Variants in SIL1 observed in about 807,000 individuals in gnomAD.
The protein encoded by SIL1 is SIL1 nucleotide exchange factor, also known as nucleotide exchange factor SIL1.
A neutral mutation model predicts 49.1 loss-of-function variants in SIL1; 40 were observed. The observed-to-expected ratio is 0.81, with a 90% CI of 0.63 to 1.06. The LOEUF (loss-of-function observed/expected upper bound fraction) is 1.06, where lower values mean the gene tolerates loss of function less well. Ranked by LOEUF, SIL1 falls within the 50% of genes least tolerant of loss-of-function variation. The pLI is 0.00. For synonymous variants in SIL1, 253 were observed against 250.8 expected (o/e 1.01, Z -0.08); for missense variants, 500 against 572.6 (o/e 0.87, Z 1.29).
At chr5:139,112,056 G>A (rs544703125) in intron 3 of SIL1, among the ~76,000 whole-genome samples, 2 of 152,322 alleles carry the variant, frequency 1.3e-5, no homozygotes, top group East Asian at 1.9e-4. Context: ...TGTGTTGGCC[G>A]GGCTGGTCTC....
At chr5:139,116,477 G>A (rs55920788) in intron 3 of SIL1, among the ~76,000 whole-genome samples, 2 of 152,186 alleles carry the variant, frequency 1.3e-5, no homozygotes, top group Non-Finnish European at 2.9e-5. Context: ...GGCTGGCTAC[G>A]CTTCCCTGAG....
At chr5:139,031,398 G>T (rs1041506411) in intron 5 of SIL1, among the ~76,000 whole-genome samples, 12 of 151,980 alleles carry the variant, frequency 7.9e-5, no homozygotes, top group African/African-American at 2.9e-4. Flanking sequence ...AACTACTTTT[G>T]CACCTGTCAA....
At chr5:139,113,333 A>AAAAATTAATTAAAAAAAAT (rs1770915875) in intron 3 of SIL1, among the ~76,000 whole-genome samples, 1 of 152,066 alleles carries the variant, frequency 6.6e-6, no homozygotes, top group Non-Finnish European at 1.5e-5. Flanking sequence ...ATAAATTTAA[A>AAAAATTAATTAAAAAAAAT]AAAAAAAGTT....
chr5:139,008,215 T>C, intron 7 of SIL1, among the ~76,000 whole-genome samples: 1 of 151,794 alleles, frequency 6.6e-6, no homozygotes, highest in Non-Finnish European at 1.5e-5. Context: ...GAGGAATTTA[T>C]CCATTTCTTC....
At chr5:139,060,251 T>C (rs1039420432) in intron 3 of SIL1, among the ~76,000 whole-genome samples, 3 of 152,160 alleles carry the variant, frequency 2.0e-5, no homozygotes, top group Admixed American at 6.5e-5. Flanking sequence ...AAAAGAACAG[T>C]GTTCTGTTCT....
intron 5 of SIL1, chr5:139,032,964 C>T (rs1768824440): frequency 6.6e-6 from 1 of 151,940 alleles, no homozygotes; most frequent in South Asian, 2.1e-4. Context: ...ATGTGTTTGT[C>T]AGTCTTGTGG....
At chr5:139,094,911 T>TACTGC (rs1158991451) in intron 3 of SIL1, among the ~76,000 whole-genome samples, 3 of 152,224 alleles carry the variant, frequency 2.0e-5, no homozygotes, top group African/African-American at 7.2e-5. Flanking sequence ...GTTTGCAGAG[T>TACTGC]ACTGGTCAGG....
At chr5:139,055,868 T>C (rs1467650681) in intron 3 of SIL1, among the ~76,000 whole-genome samples, 1 of 151,832 alleles carries the variant, frequency 6.6e-6, no homozygotes, top group Non-Finnish European at 1.5e-5. Flanking sequence ...AGACGGGGTT[T>C]CACTGTGTTG....
At chr5:139,119,237 C>T (rs1442030468) in intron 3 of SIL1, among the ~76,000 whole-genome samples, 3 of 152,234 alleles carry the variant, frequency 2.0e-5, no homozygotes, top group African/African-American at 7.2e-5. Flanking sequence ...GGCTGTCCCT[C>T]CCCAAGGATA....
At chr5:139,040,585 A>ACCT (rs1561839083) in intron 5 of SIL1, among the ~76,000 whole-genome samples, 1 of 133,240 alleles carries the variant, frequency 7.5e-6, no homozygotes, top group Non-Finnish European at 1.5e-5. Flanking sequence ...TGCAACCTCC[A>ACCT]CCTCCCGGTT....
At chr5:139,198,241 A>G (rs1281686669) in intron 1 of SIL1, 28 bp downstream of exon 1, 1 of 151,924 alleles carries the variant, frequency 6.6e-6, no homozygotes, top group East Asian at 1.9e-4. Flanking sequence ...GCCCAGCTCC[A>G]GGGCCGGGCG....
chr5:139,109,283 C>T (rs1231247282), intron 3 of SIL1, among the ~76,000 whole-genome samples: 1 of 152,132 alleles, frequency 6.6e-6, no homozygotes, highest in Non-Finnish European at 1.5e-5. Context: ...CAATTTAACC[C>T]AGTGGGAATC....
intron 3 of SIL1, among the ~76,000 whole-genome samples, chr5:139,051,782 C>A (rs1408317271): frequency 6.6e-6 from 1 of 152,206 alleles, no homozygotes; most frequent in Non-Finnish European, 1.5e-5. Flanking sequence ...CTGGGAAAAA[C>A]AAGTGTTGTG....
intron 7 of SIL1, among the ~76,000 whole-genome samples, chr5:138,960,374 T>C (rs2150384287): frequency 6.6e-6 from 1 of 152,086 alleles, no homozygotes; most frequent in South Asian, 2.1e-4. Flanking sequence ...AAATAAACAT[T>C]GATTAAGTCT....
intron 1 of SIL1, among the ~76,000 whole-genome samples, chr5:139,174,937 CAAAAAAAAAA>C (rs56959325): frequency 8.4e-5 from 5 of 59,850 alleles, no homozygotes; most frequent in African/African-American, 3.2e-4. Flanking sequence ...GACTGTGTCT[CAAAAAAAAAA>C]AAAAAAAAAA....
intron 7 of SIL1, among the ~76,000 whole-genome samples, chr5:138,956,094 T>C (rs186119300): frequency 6.6e-6 from 1 of 152,362 alleles, no homozygotes; most frequent in East Asian, 1.9e-4. Context: ...CGCGTCCTCG[T>C]GACATTTCTA....
intron 9 of SIL1, among the ~76,000 whole-genome samples, chr5:138,949,247 T>G (rs1007780752): frequency 1.3e-5 from 2 of 152,160 alleles, no homozygotes; most frequent in African/African-American, 4.8e-5. Flanking sequence ...ATCTCACCAC[T>G]GCAGAAGCCC....
chr5:139,125,112 C>A lies in SIL1; in HGVS notation c.105+2627G>T, dbSNP rs765089469. Among the ~76,000 whole-genome samples the A allele has an allele frequency of 6.6e-5, 10 of 152,232 alleles. No individual in the cohort carries two copies. In the South Asian group the frequency reaches 2.1e-3, roughly 31 times the overall value. On this transcript the variant is annotated intron_variant, in intron 2 of 9. Coordinates refer to ENST00000394817, the MANE Select transcript of SIL1 (RefSeq NM_022464.5). ...AGAAACCATAGTCCCAGTAAAAGAA[C>A]AAGCACAACTAGCCTCACTCTGCCT...
intron 7 of SIL1, among the ~76,000 whole-genome samples, chr5:139,010,245 T>C (rs1379921694): frequency 2.7e-5 from 4 of 147,950 alleles, no homozygotes; most frequent in African/African-American, 7.5e-5. Context: ...TTTCTTCCAG[T>C]TGATCGCATC....
Sources: gnomAD v4.1 joint callset for allele counts (sites outside exome capture counted in the v4.1 genomes callset) on GRCh38, gnomAD v4.1.1 for gene constraint, MANE v1.5 for transcripts, NCBI Gene and HGNC (gene_info 2026-07-23, HGNC 2026-07-21) for gene names.